XDH: variants seen among roughly 807,000 people sequenced by gnomAD.
XDH encodes the protein xanthine dehydrogenase, also known as xanthine dehydrogenase/oxidase.
In XDH, 138 loss-of-function variants were observed where a neutral mutation model predicts 156.1. That is an observed-to-expected ratio of 0.88 (90% CI 0.77 to 1.02). The LOEUF (loss-of-function observed/expected upper bound fraction) is 1.02. Among genes scored for constraint, XDH ranks in the 50% least tolerant of loss-of-function variants. The probability of loss-of-function intolerance (pLI) is 0.00; values close to 1 mark genes in which losing one functional copy is unlikely to be tolerated. For synonymous variants in XDH, 669 were observed against 625.7 expected (o/e 1.07, Z -1.03); for missense variants, 1,849 against 1,684.9 (o/e 1.10, Z -1.71).
rs538851765 is a variant in XDH at position 31,414,686 on chromosome 2, C to T, written c.-20G>A. The T allele has an allele frequency of 1.3e-5, 21 of 1,614,056 alleles. No individual in the cohort carries two copies. The highest frequency in any genetic ancestry group is 3.3e-5 in the Admixed American group (2 of 60,020). ...TGTCATTGTCACAGGTTGGGGTCCC[C>T]GAACTCCAGGTACCTCACTCCTAAG... On this transcript the variant is annotated 5_prime_UTR_variant, in exon 1 of 36. Coordinates refer to ENST00000379416, the MANE Select transcript of XDH (RefSeq NM_000379.4).
intron 24 of XDH, among the ~76,000 whole-genome samples, chr2:31,354,956 AGCCT>A (rs1476823860): frequency 6.6e-6 from 1 of 152,218 alleles, no homozygotes; most frequent in Admixed American, 6.5e-5. Flanking sequence ...AAACAGGATA[AGCCT>A]GAAGAAATCT....
At chr2:31,347,794 A>G in intron 28 of XDH, 144 bp from the exon 29 acceptor site, 11 of 1,159,784 alleles carry the variant, frequency 9.5e-6, no homozygotes, top group Non-Finnish European at 1.3e-5. Flanking sequence ...GGATGTCCTT[A>G]CATCTGGCTG....
chr2:31,368,695 C>G, intron 18 of XDH, 35 bp from the exon 19 acceptor site: 1 of 1,614,214 alleles, frequency 6.2e-7, no homozygotes, highest in Non-Finnish European at 8.5e-7. Flanking sequence ...AGAACGCAAC[C>G]AGGCTCATGG....
chr2:31,397,771 T>C, intron 5 of XDH, 42 bp from the exon 6 acceptor site: 2 of 1,611,982 alleles, frequency 1.2e-6, no homozygotes, highest in Non-Finnish European at 1.7e-6. Flanking sequence ...TGCAGGGCCC[T>C]GGGATGGGTG....
In XDH at chr2:31,349,817, G is replaced by GT. The variant is rs769350566; in HGVS notation, c.2837dup (p.Asn946LysfsTer16). On this transcript the variant is annotated frameshift_variant, in exon 26 of 36. Transcript: ENST00000379416. LOFTEE classifies it high-confidence loss of function. ...GTGTCAGGTCCCCTTCTTTGTACAG[G>GT]TTTTTTCTCCGCACCTTCCCAAGGA... The GT allele has an allele frequency of 1.9e-6, 3 of 1,614,042 alleles. No individual in the cohort carries two copies. Among genetic ancestry groups the GT allele is most frequent in the Non-Finnish European group, 2.5e-6 (3 of 1,180,016 alleles).
chr2:31,356,471 A>AAGT (rs1347035142), intron 24 of XDH, among the ~76,000 whole-genome samples: 1 of 152,200 alleles, frequency 6.6e-6, no homozygotes, highest in African/African-American at 2.4e-5. Context: ...TGTAAGAGAG[A>AAGT]AGTATGTCTA....
intron 24 of XDH, among the ~76,000 whole-genome samples, chr2:31,357,621 C>G (rs1685659959): frequency 6.7e-6 from 1 of 149,746 alleles, no homozygotes; most frequent in Admixed American, 6.7e-5. Context: ...TGAGTAACAT[C>G]TAGCATACAG....
At chr2:31,384,861 G>T (rs557651195) in intron 9 of XDH, among the ~76,000 whole-genome samples, 38 of 152,270 alleles carry the variant, frequency 2.5e-4, no homozygotes, top group Middle Eastern at 3.4e-3. Context: ...CGTTACTAAG[G>T]TTTTCTCTTT....
At position 31,372,328 on chromosome 2, in the gene XDH, GCATGT is replaced by G; in HGVS notation, c.1751_1755del (p.Asp584AlafsTer5). 6.2e-7 allele frequency: 1 copy of G among 1,614,204 alleles called. No individual in the cohort carries two copies. The highest frequency in any genetic ancestry group is 8.5e-7 in the Non-Finnish European group (1 of 1,180,040). On this transcript the variant is annotated frameshift_variant, in exon 17 of 36. Transcript: ENST00000379416. LOFTEE classifies it high-confidence loss of function. The stretch of plus-strand genomic sequence containing the variant: ...CAGTACACGGCCTCACCAGAGGCCT[GCATGT>G]CCGCTGCCAGGTGGGGCAGGGGCCG...
At chr2:31,389,246 T>A (rs1173905807) in intron 6 of XDH, among the ~76,000 whole-genome samples, 1 of 152,186 alleles carries the variant, frequency 6.6e-6, no homozygotes, top group Non-Finnish European at 1.5e-5. Context: ...CTCGTTGTCT[T>A]CTGCAAGAAA....
Position 31,383,673 on chromosome 2 carries a change from C to A in XDH, c.886+82G>T. ...GGGCAGCCAGAGCCAGTGGGGAGAC[C>A]ACCCTGATACCTGCCACCCACCTTG... On this transcript the variant is annotated intron_variant, in intron 10 of 35. Coordinates refer to ENST00000379416, the MANE Select transcript of XDH (RefSeq NM_000379.4). 7 of 1,364,450 alleles carry A rather than the reference C, an allele frequency of 5.1e-6. No individual in the cohort carries two copies. In the South Asian group the frequency reaches 6.2e-5, roughly 12 times the overall value. The allele number at this position is 1,364,450 out of a possible 1,614,324, so 84.5% of individuals were successfully genotyped here.
chr2:31,357,583 G>A (rs1345489343), intron 24 of XDH, among the ~76,000 whole-genome samples: 1 of 151,938 alleles, frequency 6.6e-6, no homozygotes, highest in East Asian at 1.9e-4. Context: ...AATGGGGATG[G>A]TTAATACATA....
intron 4 of XDH, among the ~76,000 whole-genome samples, chr2:31,400,400 G>A (rs1047079158): frequency 6.6e-5 from 10 of 152,056 alleles, no homozygotes; most frequent in African/African-American, 2.2e-4. Flanking sequence ...CACTCCGCCT[G>A]GCTAATTTTT....
intron 16 of XDH, among the ~76,000 whole-genome samples, chr2:31,372,658 T>C (rs531334180): frequency 6.6e-6 from 1 of 152,336 alleles, no homozygotes; most frequent in South Asian, 2.1e-4. Context: ...AAATAAATTA[T>C]GCAGCCCCAT....
chr2:31,341,727 T>C (rs553729938), intron 32 of XDH, among the ~76,000 whole-genome samples: 1 of 152,300 alleles, frequency 6.6e-6, no homozygotes, highest in Admixed American at 6.5e-5. Context: ...GTAGATCATG[T>C]ACAAAAGAGT....
At chr2:31,343,546 A>G (rs1572511495) in intron 31 of XDH, among the ~76,000 whole-genome samples, 1 of 144,052 alleles carries the variant, frequency 6.9e-6, no homozygotes, top group African/African-American at 2.6e-5. Context: ...AGGCATATAT[A>G]TATGCCTTAT....
intron 14 of XDH, among the ~76,000 whole-genome samples, chr2:31,375,870 A>G (rs761491465): frequency 6.6e-6 from 1 of 152,222 alleles, no homozygotes; most frequent in Non-Finnish European, 1.5e-5. Context: ...AAAATGTAGT[A>G]AGCAAAATTC....
At chr2:31,372,445 C>T (rs1025230466) in intron 16 of XDH, 48 bp from the exon 17 acceptor site, 17 of 1,612,520 alleles carry the variant, frequency 1.1e-5, no homozygotes, top group Non-Finnish European at 1.4e-5. Flanking sequence ...AGGACACTGC[C>T]CCTCTATGGG....
At chr2:31,359,390 G>T (rs1321814399) in intron 24 of XDH, among the ~76,000 whole-genome samples, 3 of 151,514 alleles carry the variant, frequency 2.0e-5, no homozygotes, top group Admixed American at 2.0e-4. Context: ...AAAAAACAAG[G>T]CATTTACTCT....
Sources: gnomAD v4.1 joint callset for allele counts (sites outside exome capture counted in the v4.1 genomes callset) on GRCh38, gnomAD v4.1.1 for gene constraint, MANE v1.5 for transcripts, NCBI Gene and HGNC (gene_info 2026-07-23, HGNC 2026-07-21) for gene names.